PLPPR1: variants seen among roughly 807,000 people sequenced by gnomAD.
The protein encoded by PLPPR1 is phospholipid phosphatase related 1, also known as phospholipid phosphatase-related protein type 1.
PLPPR1 carries 10 observed loss-of-function variants against 33.1 expected under a neutral mutation model. The observed-to-expected ratio is 0.30, with a 90% CI of 0.19 to 0.51. The LOEUF is 0.51. Among genes scored for constraint, PLPPR1 ranks in the 20% least tolerant of loss-of-function variants. PLPPR1 has a pLI of 0.97. For synonymous variants in PLPPR1, 151 were observed against 151.0 expected, an observed-to-expected ratio of 1.00 and a Z score of 0.00; for missense variants, 304 against 408.1, an observed-to-expected ratio of 0.74 and a Z score of 2.20.
intron 2 of PLPPR1, among the ~76,000 whole-genome samples, chr9:101,210,600 G>A (rs1826672766): frequency 1.3e-5 from 2 of 152,136 alleles, no homozygotes; most frequent in Admixed American, 6.5e-5. Context: ...ACACATTTAT[G>A]TTGATCAATT....
At chr9:101,249,997 A>G (rs1010741201) in intron 2 of PLPPR1, among the ~76,000 whole-genome samples, 3 of 152,072 alleles carry the variant, frequency 2.0e-5, no homozygotes, top group African/African-American at 7.2e-5. Context: ...TTTTTGCAAT[A>G]AGAATTAAAT....
chr9:101,173,506 C>T (rs964299867), intron 1 of PLPPR1, among the ~76,000 whole-genome samples: 1 of 152,084 alleles, frequency 6.6e-6, no homozygotes, highest in Non-Finnish European at 1.5e-5. Context: ...GTTTTAGTAT[C>T]ACCCGTAGAC....
intron 2 of PLPPR1, among the ~76,000 whole-genome samples, chr9:101,236,972 A>T (rs1827314074): frequency 6.6e-6 from 1 of 151,744 alleles, no homozygotes. Context: ...TCTACAAGAA[A>T]CTCAAGAAAA....
chr9:101,037,526 A>T lies in PLPPR1; in HGVS notation c.-46+8424A>T, dbSNP rs140928918. ...ACATTTAGATTCAATGAAATACATA[A>T]TCAAGTGGAATCAGATACAATTAAC... On this transcript the variant is annotated intron_variant, in intron 1 of 7. Transcript: ENST00000374874. 1.1e-3 allele frequency among the ~76,000 whole-genome samples: 174 copies of T among 152,234 alleles called. 1 individual carries two copies. The highest frequency in any genetic ancestry group is 3.4e-3 in the Middle Eastern group (1 of 294).
chr9:101,139,685 A>G (rs1831424398), intron 1 of PLPPR1, among the ~76,000 whole-genome samples: 1 of 152,186 alleles, frequency 6.6e-6, no homozygotes, highest in Admixed American at 6.5e-5. Context: ...ACTTCCAGGT[A>G]AGCATGGAAA....
chr9:101,301,332 A>T lies in PLPPR1; in HGVS notation c.386-7879A>T, dbSNP rs549655084. On this transcript the variant is annotated intron_variant, in intron 4 of 7. Coordinates refer to ENST00000374874, the MANE Select transcript of PLPPR1 (RefSeq NM_207299.2). ...TAAAAAATAATTTTATAATCAATTT[A>T]TAACCACTTCCCTTAGTTACATCTA... Among the ~76,000 whole-genome samples, 3 of 152,340 alleles carry T rather than the reference A, an allele frequency of 2.0e-5. No homozygotes were observed. In the East Asian group the frequency reaches 5.8e-4, roughly 29 times the overall value.
At chr9:101,110,476 T>G (rs1455594598) in intron 1 of PLPPR1, among the ~76,000 whole-genome samples, 2 of 152,174 alleles carry the variant, frequency 1.3e-5, no homozygotes, top group African/African-American at 4.8e-5. Context: ...TACACAAATT[T>G]GCAAAATACA....
At chr9:101,099,807 C>G (rs1354782509) in intron 1 of PLPPR1, among the ~76,000 whole-genome samples, 2 of 152,084 alleles carry the variant, frequency 1.3e-5, no homozygotes, top group African/African-American at 4.8e-5. Context: ...CAAGGGATGA[C>G]AGTACACTAA....
At chr9:101,163,633 T>A (rs1825801997) in intron 1 of PLPPR1, among the ~76,000 whole-genome samples, 1 of 152,152 alleles carries the variant, frequency 6.6e-6, no homozygotes, top group African/African-American at 2.4e-5. Context: ...GCACAGGTTG[T>A]TTAATGAACC....
intron 2 of PLPPR1, among the ~76,000 whole-genome samples, chr9:101,199,428 C>A (rs1826454770): frequency 6.6e-6 from 1 of 152,148 alleles, no homozygotes; most frequent in Non-Finnish European, 1.5e-5. Context: ...TATTCTCTGT[C>A]CTAATGTCAA....
At chr9:101,070,302 A>G (rs1293720779) in intron 1 of PLPPR1, among the ~76,000 whole-genome samples, 1 of 152,054 alleles carries the variant, frequency 6.6e-6, no homozygotes, top group Non-Finnish European at 1.5e-5. Flanking sequence ...TTTATTATAT[A>G]CTTTGGGTTA....
At chr9:101,060,922 A>G (rs1416427791) in intron 1 of PLPPR1, among the ~76,000 whole-genome samples, 1 of 151,944 alleles carries the variant, frequency 6.6e-6, no homozygotes, top group Non-Finnish European at 1.5e-5. Flanking sequence ...AAAAGTGGTA[A>G]TTCTTCATTC....
intron 2 of PLPPR1, among the ~76,000 whole-genome samples, chr9:101,238,343 A>C (rs2118840436): frequency 9.8e-6 from 1 of 101,958 alleles, no homozygotes; most frequent in African/African-American, 4.6e-5. Context: ...CTCTCTATAT[A>C]TAGAGGTGTA....
chr9:101,139,120 T>C (rs1325650786), intron 1 of PLPPR1, among the ~76,000 whole-genome samples: 1 of 152,158 alleles, frequency 6.6e-6, no homozygotes, highest in Non-Finnish European at 1.5e-5. Context: ...TATAGATTAT[T>C]TCACAACAAA....
intron 2 of PLPPR1, among the ~76,000 whole-genome samples, chr9:101,246,188 G>T (rs1249948884): frequency 6.7e-6 from 1 of 149,536 alleles, no homozygotes; most frequent in East Asian, 2.0e-4. Context: ...AATATCTCCA[G>T]ATATGACACA....
At chr9:101,317,216 C>T in intron 6 of PLPPR1, 149 bp from the exon 7 acceptor site, 1 of 785,346 alleles carries the variant, frequency 1.3e-6, no homozygotes, top group Non-Finnish European at 2.0e-6. Flanking sequence ...GACGTTTCCA[C>T]AGCACTTCCC....
intron 1 of PLPPR1, among the ~76,000 whole-genome samples, chr9:101,124,449 C>A (rs910233625): frequency 6.6e-6 from 1 of 152,148 alleles, no homozygotes; most frequent in Non-Finnish European, 1.5e-5. Flanking sequence ...GCTTCCTGTG[C>A]GGTTTTCTTG....
chr9:101,111,319 C>A (rs962245736), intron 1 of PLPPR1, among the ~76,000 whole-genome samples: 1 of 152,178 alleles, frequency 6.6e-6, no homozygotes, highest in East Asian at 1.9e-4. Flanking sequence ...TCAATCTTCT[C>A]TTGATATTAT....
intron 1 of PLPPR1, among the ~76,000 whole-genome samples, chr9:101,121,653 T>C (rs1254559308): frequency 6.6e-6 from 1 of 152,194 alleles, no homozygotes; most frequent in Non-Finnish European, 1.5e-5. Flanking sequence ...TAGTCAGTTT[T>C]CACACTGAAT....
Sources: gnomAD v4.1 joint callset for allele counts (sites outside exome capture counted in the v4.1 genomes callset) on GRCh38, gnomAD v4.1.1 for gene constraint, MANE v1.5 for transcripts, NCBI Gene and HGNC (gene_info 2026-07-23, HGNC 2026-07-21) for gene names.